The following GABPB2 variants were observed in gnomAD, a reference collection of about 807,000 sequenced individuals.
The protein encoded by GABPB2 is GA binding protein transcription factor subunit beta 2, also known as GA-binding protein subunit beta-2.
In GABPB2, 23 loss-of-function variants were observed where a neutral mutation model predicts 39.1. The ratio of observed to expected loss-of-function variants is 0.59; its 90% CI spans 0.42 to 0.83. The LOEUF (loss-of-function observed/expected upper bound fraction) is 0.83. Among genes scored for constraint, GABPB2 ranks in the 40% least tolerant of loss-of-function variants. GABPB2 has a pLI of 0.00. For synonymous variants in GABPB2, 184 were observed against 199.3 expected, an observed-to-expected ratio of 0.92 and a Z score of 0.65; for missense variants, 467 against 541.1, an observed-to-expected ratio of 0.86 and a Z score of 1.36.
chr1:151,117,914 T>C (rs1342227093), intron 8 of GABPB2, 43 bp from the exon 9 acceptor site: 1 of 1,566,704 alleles, frequency 6.4e-7, no homozygotes, highest in Admixed American at 1.8e-5. Flanking sequence ...GGATAATTTA[T>C]GATCAGGAAT....
At chr1:151,103,226 T>G (rs587659501) in intron 5 of GABPB2, among the ~76,000 whole-genome samples, 1 of 151,752 alleles carries the variant, frequency 6.6e-6, no homozygotes, top group East Asian at 1.9e-4. Context: ...ATTTTTTGTA[T>G]TTTTAGTAGA....
chr1:151,111,313 G>A lies in GABPB2; in HGVS notation c.922+4091G>A, dbSNP rs1202370729. 2.0e-5 allele frequency among the ~76,000 whole-genome samples: 3 copies of A among 150,098 alleles called. No individual in the cohort carries two copies. The Admixed American group carries it at 2.0e-4, about 10-fold the overall frequency. On this transcript the variant is annotated intron_variant, in intron 7 of 8. Transcript: ENST00000368918. ...GGCTAGAGTGCAGTGGCGCAATCTC[G>A]GCTCACTGCAACCTCCACCTCCTGG...
chr1:151,074,133 G>A (rs1676957568), intron 1 of GABPB2, among the ~76,000 whole-genome samples: 1 of 149,514 alleles, frequency 6.7e-6, no homozygotes, highest in Non-Finnish European at 1.5e-5. Context: ...CTGCCACGGC[G>A]CCCGGCTAAT....
chr1:151,124,099 AAAAAAGAAAG>A lies in GABPB2; in HGVS notation c.*5850_*5859del, dbSNP rs1318598004. 1 of 116,028 alleles carries A rather than the reference AAAAAAGAAAG, an allele frequency of 8.6e-6. No homozygotes were observed. Among genetic ancestry groups the A allele is most frequent in the Non-Finnish European group, 1.9e-5 (1 of 54,004 alleles). 7.2% of individuals were successfully genotyped at this position (116,028 alleles called of 1,614,324 possible). On this transcript the variant is annotated 3_prime_UTR_variant, in exon 9 of 9. Coordinates refer to ENST00000368918, the MANE Select transcript of GABPB2 (RefSeq NM_144618.3). ...CGGGCGCGGTGGCTCACAAAAAAAAAAAAAAGAAAGAAAAAGGAAAAAAAGAAATATCAGT... is the reference window on the plus strand; with the variant it reads ...CGGGCGCGGTGGCTCACAAAAAAAAAAAAAAGGAAAAAAAGAAATATCAGT...
chr1:151,103,200 C>T (rs931222817), intron 5 of GABPB2, among the ~76,000 whole-genome samples: 2 of 151,684 alleles, frequency 1.3e-5, no homozygotes, highest in Non-Finnish European at 2.9e-5. Flanking sequence ...CAGGCGCCCA[C>T]CACCACGCCC....
In GABPB2 at chr1:151,081,837, A is replaced by G. The variant is rs587684240; in HGVS notation, c.1-6353A>G. On this transcript the variant is annotated intron_variant, in intron 1 of 8. Transcript: ENST00000368918. The stretch of plus-strand genomic sequence containing the variant: ...TTTTTTGAAAAGACAGAGTTTCACT[A>G]TGTTGGCCAGGCTGCTCTCGAACTC... Among the ~76,000 whole-genome samples the G allele has an allele frequency of 9.9e-5, 15 of 151,826 alleles. No homozygotes were observed. In the South Asian group the frequency reaches 1.9e-3, roughly 19 times the overall value.
rs868666249 is a variant in GABPB2 at position 151,121,134 on chromosome 1, A to T, written c.*2878A>T. On this transcript the variant is annotated 3_prime_UTR_variant, in exon 9 of 9. Coordinates refer to ENST00000368918, the MANE Select transcript of GABPB2 (RefSeq NM_144618.3). ...CATATTGTGCTTTTCTGTGGAGCTT[A>T]TATCTTATCCTCTTATGTGCAACAA... The T allele has an allele frequency of 2.0e-5, 3 of 152,196 alleles. No individual in the cohort carries two copies. Among genetic ancestry groups the T allele is most frequent in the Non-Finnish European group, 2.9e-5 (2 of 68,046 alleles). The allele number at this position is 152,196 out of a possible 1,614,324, so 9.4% of individuals were successfully genotyped here. A position where few individuals can be genotyped will look rare whatever the true frequency, so the allele number is the denominator to read the frequency against.
At chr1:151,101,665 A>T (rs187162652) in intron 5 of GABPB2, among the ~76,000 whole-genome samples, 1 of 152,310 alleles carries the variant, frequency 6.6e-6, no homozygotes, top group Admixed American at 6.5e-5. Context: ...AACAAAGCTT[A>T]ATGTCATGCC....
At chr1:151,080,595 C>A (rs1229685454) in intron 1 of GABPB2, among the ~76,000 whole-genome samples, 1 of 150,728 alleles carries the variant, frequency 6.6e-6, no homozygotes, top group Non-Finnish European at 1.5e-5. Flanking sequence ...CGCCTGTAAT[C>A]CCATCACTTT....
intron 7 of GABPB2, among the ~76,000 whole-genome samples, chr1:151,116,296 C>G (rs1245099688): frequency 3.3e-5 from 5 of 150,654 alleles, no homozygotes; most frequent in African/African-American, 1.2e-4. Context: ...GAGGCTGAGG[C>G]AGGAGATCAC....
chr1:151,079,915 CAATAATAATAAT>C (rs948495442), intron 1 of GABPB2, among the ~76,000 whole-genome samples: 7 of 150,182 alleles, frequency 4.7e-5, no homozygotes, highest in African/African-American at 1.7e-4. Flanking sequence ...AAAATAATAA[CAATAATAATAAT>C]AAAACATTGC....
intron 5 of GABPB2, among the ~76,000 whole-genome samples, chr1:151,101,625 G>A (rs1389396194): frequency 6.6e-6 from 1 of 151,938 alleles, no homozygotes; most frequent in Non-Finnish European, 1.5e-5. Context: ...AGCCAATAGA[G>A]GGTGCAGCAG....
At chr1:151,079,713 A>G (rs954586711) in intron 1 of GABPB2, among the ~76,000 whole-genome samples, 4 of 151,806 alleles carry the variant, frequency 2.6e-5, no homozygotes, top group South Asian at 4.2e-4. Context: ...GCTGACCAAC[A>G]TGGTGAAACC....
At chr1:151,077,732 C>T (rs1677300957) in intron 1 of GABPB2, among the ~76,000 whole-genome samples, 1 of 151,208 alleles carries the variant, frequency 6.6e-6, no homozygotes, top group Admixed American at 6.6e-5. Context: ...GCAGGTGGAT[C>T]ACAAGGTCAG....
At chr1:151,080,511 CTAAATAAATAAATAAA>C (rs34274763) in intron 1 of GABPB2, among the ~76,000 whole-genome samples, 34 of 143,824 alleles carry the variant, frequency 2.4e-4, no homozygotes, top group Admixed American at 7.7e-4. Flanking sequence ...AACTCCATCT[CTAAATAAATAAATAAA>C]TAAATAAATA....
chr1:151,099,119 A>G (rs968311059), intron 5 of GABPB2, among the ~76,000 whole-genome samples: 2 of 151,400 alleles, frequency 1.3e-5, no homozygotes. Context: ...AGAAACCTGC[A>G]TGTTTTCAAC....
At chr1:151,098,437 C>G (rs1022167587) in intron 5 of GABPB2, among the ~76,000 whole-genome samples, 2 of 149,800 alleles carry the variant, frequency 1.3e-5, no homozygotes. Flanking sequence ...AGGAGTTGGA[C>G]TTACTGTGAG....
At position 151,120,519 on chromosome 1, in the gene GABPB2, TAGAA is replaced by T. The variant is rs1558167587; in HGVS notation, c.*2265_*2268del. On this transcript the variant is annotated 3_prime_UTR_variant, in exon 9 of 9. Coordinates refer to ENST00000368918, the MANE Select transcript of GABPB2 (RefSeq NM_144618.3). ...GAGTGAAACTCAATTAAAAAAAAAA[TAGAA>T]AAGAAAGAAAACTTGTTTATGTGGG... 3 of 150,820 alleles carry T rather than the reference TAGAA, an allele frequency of 2.0e-5. No homozygotes were observed. The allele number at this position is 150,820 out of a possible 1,614,324, so 9.3% of individuals were successfully genotyped here.
At chr1:151,076,591 G>A (rs142395089) in intron 1 of GABPB2, among the ~76,000 whole-genome samples, 13,699 of 151,462 alleles carry the variant, frequency 0.09, 779 homozygotes, top group African/African-American at 0.16. Context: ...CACCACGTCC[G>A]GCTAATTTTT....
Sources: allele counts gnomAD v4.1 joint callset (sites outside exome capture counted in the v4.1 genomes callset), GRCh38; gene constraint gnomAD v4.1.1; transcripts MANE v1.5; gene names NCBI Gene and HGNC (gene_info 2026-07-23, HGNC 2026-07-21).